Variants in CTNNA2 observed in about 807,000 individuals in gnomAD.
The protein encoded by CTNNA2 is catenin alpha 2.
In CTNNA2, 42 loss-of-function variants were observed where a neutral mutation model predicts 101.0. That is an observed-to-expected ratio of 0.42 (90% CI 0.32 to 0.54). The LOEUF (loss-of-function observed/expected upper bound fraction) is 0.54, where lower values mean the gene tolerates loss of function less well. Ranked by LOEUF, CTNNA2 falls within the 20% of genes least tolerant of loss-of-function variation. The pLI is 0.14. For missense variants in CTNNA2, 871 were observed against 1,223.1 expected, an observed-to-expected ratio of 0.71 and a Z score of 4.29; for synonymous variants, 450 against 456.4, an observed-to-expected ratio of 0.99 and a Z score of 0.18.
At chr2:79,758,778 ATTCTTTT>A (rs1283247265) in intron 3 of CTNNA2, among the ~76,000 whole-genome samples, 1 of 152,172 alleles carries the variant, frequency 6.6e-6, no homozygotes, top group African/African-American at 2.4e-5. Flanking sequence ...ACATAATTTC[ATTCTTTT>A]TTATGGCTTT....
At chr2:79,522,395 C>G (rs965938283) in intron 1 of CTNNA2, among the ~76,000 whole-genome samples, 1 of 152,182 alleles carries the variant, frequency 6.6e-6, no homozygotes, top group Non-Finnish European at 1.5e-5. Flanking sequence ...AGACACAGTG[C>G]CTTGTCTCAT....
chr2:79,343,279 T>G (rs1420994275), intron 3 of CTNNA2, among the ~76,000 whole-genome samples: 1 of 152,148 alleles, frequency 6.6e-6, no homozygotes, highest in Non-Finnish European at 1.5e-5. Flanking sequence ...AACAAAATTA[T>G]TAGAAACAAA....
chr2:79,760,432 T>C (rs1672712773), intron 3 of CTNNA2, among the ~76,000 whole-genome samples: 1 of 152,028 alleles, frequency 6.6e-6, no homozygotes, highest in South Asian at 2.1e-4. Context: ...CCACCATCTA[T>C]AGGACAGTCT....
chr2:79,619,935 C>T (rs1001473540), intron 1 of CTNNA2, among the ~76,000 whole-genome samples: 9 of 152,146 alleles, frequency 5.9e-5, no homozygotes, highest in South Asian at 2.1e-4. Context: ...TTCAGATTTT[C>T]GTAGCTTTTT....
chr2:80,488,655 T>C (rs1019529619), intron 9 of CTNNA2, among the ~76,000 whole-genome samples: 4 of 152,198 alleles, frequency 2.6e-5, no homozygotes, highest in African/African-American at 9.6e-5. Context: ...TCCATTCTAA[T>C]ACAGTTTCTT....
intron 2 of CTNNA2, among the ~76,000 whole-genome samples, chr2:79,708,605 A>G (rs1396442460): frequency 1.3e-5 from 2 of 152,194 alleles, no homozygotes; most frequent in Admixed American, 6.5e-5. Flanking sequence ...ATACCTTTAC[A>G]TACTATATTA....
intron 3 of CTNNA2, among the ~76,000 whole-genome samples, chr2:79,336,552 T>C (rs1676998746): frequency 6.6e-6 from 1 of 152,170 alleles, no homozygotes; most frequent in East Asian, 1.9e-4. Flanking sequence ...TGAGTCTAAT[T>C]CATCCTGATC....
At chr2:80,190,339 G>A (rs183379749) in intron 7 of CTNNA2, among the ~76,000 whole-genome samples, 1 of 152,162 alleles carries the variant, frequency 6.6e-6, no homozygotes, top group African/African-American at 2.4e-5. Flanking sequence ...TAACCGCATC[G>A]CTCAGTGGCA....
At chr2:80,120,506 A>G (rs1701772891) in intron 7 of CTNNA2, among the ~76,000 whole-genome samples, 1 of 152,136 alleles carries the variant, frequency 6.6e-6, no homozygotes, top group African/African-American at 2.4e-5. Flanking sequence ...TTTTGTTCCA[A>G]GGTTAAGAGT....
chr2:79,638,417 C>G (rs1680224897), intron 1 of CTNNA2, among the ~76,000 whole-genome samples: 1 of 152,136 alleles, frequency 6.6e-6, no homozygotes, highest in African/African-American at 2.4e-5. Context: ...AGATGATTTA[C>G]TAAGGAGTAT....
intron 1 of CTNNA2, among the ~76,000 whole-genome samples, chr2:79,635,775 A>G (rs1050257337): frequency 6.7e-6 from 1 of 149,924 alleles, no homozygotes; most frequent in African/African-American, 2.4e-5. Flanking sequence ...AAGTGCTGGG[A>G]TTACAGGCAT....
At chr2:79,994,800 TAA>T (rs1433699280) in intron 7 of CTNNA2, among the ~76,000 whole-genome samples, 3 of 152,310 alleles carry the variant, frequency 2.0e-5, no homozygotes, top group African/African-American at 7.2e-5. Context: ...TGCTCTTTAA[TAA>T]TTTCATGCAA....
chr2:79,205,807 T>G (rs996480856), intron 2 of CTNNA2, among the ~76,000 whole-genome samples: 4 of 152,202 alleles, frequency 2.6e-5, no homozygotes, highest in Non-Finnish European at 5.9e-5. Flanking sequence ...CCATGCAACC[T>G]GAAAAGCCAA....
intron 7 of CTNNA2, among the ~76,000 whole-genome samples, chr2:80,335,106 G>A (rs1671657407): frequency 6.6e-6 from 1 of 152,222 alleles, no homozygotes; most frequent in African/African-American, 2.4e-5. Flanking sequence ...TAAAGGATGA[G>A]TTACAGTTTC....
chr2:80,542,879 C>A (rs3979283), intron 9 of CTNNA2, among the ~76,000 whole-genome samples: 9 of 36,478 alleles, frequency 2.5e-4, no homozygotes, highest in African/African-American at 1.1e-3. Context: ...CTGATTTTTT[C>A]CCCCCCCCAC....
intron 2 of CTNNA2, among the ~76,000 whole-genome samples, chr2:79,236,695 A>C (rs1293016621): frequency 6.6e-6 from 1 of 152,212 alleles, no homozygotes; most frequent in Non-Finnish European, 1.5e-5. Context: ...TTCTGTTGTC[A>C]TTTCAACAAT....
intron 4 of CTNNA2, among the ~76,000 whole-genome samples, chr2:79,411,146 A>G (rs1678404945): frequency 6.6e-6 from 1 of 151,830 alleles, no homozygotes; most frequent in South Asian, 2.1e-4. Flanking sequence ...CGGTGGTGAT[A>G]TCCCCTTTAT....
intron 5 of CTNNA2, among the ~76,000 whole-genome samples, chr2:79,507,506 A>C (rs1190977900): frequency 6.6e-6 from 1 of 152,132 alleles, no homozygotes; most frequent in Non-Finnish European, 1.5e-5. Flanking sequence ...TGCAGCAAGA[A>C]CGCTCTCACC....
At chr2:80,189,667 C>T (rs927400673) in intron 7 of CTNNA2, among the ~76,000 whole-genome samples, 2 of 152,116 alleles carry the variant, frequency 1.3e-5, no homozygotes, top group African/African-American at 2.4e-5. Context: ...GACTTCCAGG[C>T]CCATGCCTGG....
Sources: allele counts gnomAD v4.1 joint callset (sites outside exome capture counted in the v4.1 genomes callset), GRCh38; gene constraint gnomAD v4.1.1; transcripts MANE v1.5; gene names NCBI Gene and HGNC (gene_info 2026-07-23, HGNC 2026-07-21).